GPC6: variants seen among roughly 807,000 people sequenced by gnomAD.
GPC6 encodes glypican 6.
A neutral mutation model predicts 55.2 loss-of-function variants in GPC6; 14 were observed. That is an observed-to-expected ratio of 0.25 (90% CI 0.17 to 0.40). GPC6 has a LOEUF of 0.40. Ranked by LOEUF, GPC6 falls within the 10% of genes least tolerant of loss-of-function variation. The pLI, the probability that GPC6 is intolerant of heterozygous loss-of-function variation, is 1.00. For missense variants in GPC6, 641 were observed against 708.5 expected, an observed-to-expected ratio of 0.90 and a Z score of 1.08; for synonymous variants, 278 against 259.6, an observed-to-expected ratio of 1.07 and a Z score of -0.68.
At chr13:94,203,297 T>C (rs926340562) in intron 4 of GPC6, among the ~76,000 whole-genome samples, 1 of 151,694 alleles carries the variant, frequency 6.6e-6, no homozygotes, top group Non-Finnish European at 1.5e-5. Flanking sequence ...CTAGATTATA[T>C]GTATCCTGTA....
intron 3 of GPC6, among the ~76,000 whole-genome samples, chr13:93,890,402 A>G (rs141988802): frequency 1.6e-3 from 243 of 152,190 alleles, no homozygotes; most frequent in Admixed American, 2.7e-3. Flanking sequence ...TATACCTTCA[A>G]TTACTTGTTT....
chr13:94,281,250 A>G (rs1012800308), intron 4 of GPC6, among the ~76,000 whole-genome samples: 4 of 152,166 alleles, frequency 2.6e-5, no homozygotes, highest in Non-Finnish European at 5.9e-5. Context: ...TTATGTAGGT[A>G]TACATGTGCC....
At chr13:93,684,838 C>T (rs1881990462) in intron 2 of GPC6, among the ~76,000 whole-genome samples, 1 of 151,864 alleles carries the variant, frequency 6.6e-6, no homozygotes. Flanking sequence ...ATCAGGGATG[C>T]CTAAAGTTAA....
At chr13:93,477,036 C>A (rs1643348473) in intron 1 of GPC6, among the ~76,000 whole-genome samples, 1 of 152,048 alleles carries the variant, frequency 6.6e-6, no homozygotes, top group African/African-American at 2.4e-5. Context: ...GCTATAAGAA[C>A]CGCATGTAGA....
chr13:94,110,062 T>TAAAAAAAA (rs78404632), intron 4 of GPC6, among the ~76,000 whole-genome samples: 15 of 84,594 alleles, frequency 1.8e-4, no homozygotes, highest in East Asian at 6.1e-4. Flanking sequence ...CACCCTGGAC[T>TAAAAAAAA]AAAAAAAAAA....
intron 3 of GPC6, among the ~76,000 whole-genome samples, chr13:93,959,464 A>G (rs1879667332): frequency 6.6e-6 from 1 of 152,114 alleles, no homozygotes; most frequent in Non-Finnish European, 1.5e-5. Flanking sequence ...TGCCCAGCCT[A>G]TTTGTATGAT....
chr13:93,990,510 G>A (rs1375870643), intron 3 of GPC6, among the ~76,000 whole-genome samples: 1 of 152,078 alleles, frequency 6.6e-6, no homozygotes, highest in East Asian at 1.9e-4. Context: ...GGTACTATTT[G>A]CATATCGTTC....
At chr13:94,345,019 G>T (rs1309153648) in intron 6 of GPC6, among the ~76,000 whole-genome samples, 1 of 152,066 alleles carries the variant, frequency 6.6e-6, no homozygotes, top group East Asian at 1.9e-4. Context: ...GTGGGACTGG[G>T]ATATGAAAAT....
intron 6 of GPC6, among the ~76,000 whole-genome samples, chr13:94,312,241 G>A (rs1211073059): frequency 2.0e-5 from 3 of 152,040 alleles, no homozygotes; most frequent in Non-Finnish European, 4.4e-5. Context: ...GAAATTCATC[G>A]GTAGGTCACT....
Position 93,227,698 on chromosome 13 carries a change from C to T in GPC6, c.160+82C>T. The T allele has an allele frequency of 1.8e-6, 2 of 1,129,032 alleles. No individual in the cohort carries two copies. Among genetic ancestry groups the T allele is most frequent in the East Asian group, 2.6e-5 (1 of 38,504 alleles). The allele number at this position is 1,129,032 out of a possible 1,614,324, so 69.9% of individuals were successfully genotyped here. A position where few individuals can be genotyped will look rare whatever the true frequency, so the allele number is the denominator to read the frequency against. Reference sequence around the variant, plus strand: ...CTGGCCGCCCGGCGTCCCCTTCCTTCCCCCTGTTGCTGAGTTGGTGCTCAC... The same window carrying T: ...CTGGCCGCCCGGCGTCCCCTTCCTTTCCCCTGTTGCTGAGTTGGTGCTCAC... On this transcript the variant is annotated intron_variant, in intron 1 of 8. Transcript: ENST00000377047. The surrounding 1 kb of genome is among the most constrained non-coding windows in gnomAD (Gnocchi z 4.3).
intron 3 of GPC6, among the ~76,000 whole-genome samples, chr13:93,898,344 A>G (rs1413334115): frequency 1.3e-5 from 2 of 152,178 alleles, no homozygotes; most frequent in Admixed American, 1.3e-4. Flanking sequence ...ATAAATAGAC[A>G]TAAGCAAATA....
intron 6 of GPC6, among the ~76,000 whole-genome samples, chr13:94,327,798 C>CT (rs1050922601): frequency 3.3e-5 from 5 of 152,154 alleles, no homozygotes; most frequent in African/African-American, 1.2e-4. Context: ...AAAATGGAAT[C>CT]TAAGTGCAAA....
chr13:93,714,987 A>G (rs1364478920), intron 2 of GPC6, among the ~76,000 whole-genome samples: 1 of 151,618 alleles, frequency 6.6e-6, no homozygotes, highest in Non-Finnish European at 1.5e-5. Flanking sequence ...AATACAGTAT[A>G]ATTAGCATAT....
chr13:94,130,390 A>T (rs1397748073), intron 4 of GPC6, among the ~76,000 whole-genome samples: 1 of 152,158 alleles, frequency 6.6e-6, no homozygotes, highest in African/African-American at 2.4e-5. Flanking sequence ...AAGGGAAATA[A>T]ATCATAATTC....
chr13:94,077,122 G>T (rs1884944659), intron 4 of GPC6, among the ~76,000 whole-genome samples: 1 of 151,636 alleles, frequency 6.6e-6, no homozygotes, highest in African/African-American at 2.4e-5. Flanking sequence ...ATGAACACGG[G>T]ATATTTTTCC....
rs1309100103 is a variant in GPC6, at chr13:94,404,181, T to C, written c.*964T>C. ...CAAAACAATAGTTTTTTTAATGAAT[T>C]GAAACACAATTAGATCCATTCCTGA... is the stretch of plus-strand genomic sequence containing the variant. On this transcript the variant is annotated 3_prime_UTR_variant, in exon 9 of 9. Coordinates refer to ENST00000377047, the MANE Select transcript of GPC6 (RefSeq NM_005708.5). The C allele has an allele frequency of 6.6e-6, 1 of 152,164 alleles. No individual in the cohort carries two copies. The highest frequency in any genetic ancestry group is 1.5e-5 in the Non-Finnish European group (1 of 68,040). 9.4% of individuals were successfully genotyped at this position (152,164 alleles called of 1,614,324 possible). A position where few individuals can be genotyped will look rare whatever the true frequency, so the allele number is the denominator to read the frequency against.
At chr13:93,279,945 C>A (rs1877891843) in intron 1 of GPC6, among the ~76,000 whole-genome samples, 3 of 152,144 alleles carry the variant, frequency 2.0e-5, no homozygotes, top group Admixed American at 2.0e-4. Flanking sequence ...AATAAACACA[C>A]CCAAACTGGT....
Position 94,303,354 on chromosome 13 carries a change from G to C in GPC6, c.1009-2626G>C, listed in dbSNP as rs117940111. On this transcript the variant is annotated intron_variant, in intron 5 of 8. Transcript: ENST00000377047. ...TTTAAGCTCTCTTTACTACCTGATC[G>C]GGTGTGAGCTAAGTTGCAAGCCTCG... Among the ~76,000 whole-genome samples the C allele has an allele frequency of 6.2e-4, 94 of 152,178 alleles. 1 individual carries two copies. Among genetic ancestry groups the C allele is most frequent in the African/African-American group, 2.1e-3 (88 of 41,510 alleles).
intron 1 of GPC6, among the ~76,000 whole-genome samples, chr13:93,457,420 C>A: frequency 6.6e-6 from 1 of 152,144 alleles, no homozygotes; most frequent in East Asian, 1.9e-4. Flanking sequence ...AGACAAAATT[C>A]AACCCTCAAC....
Sources: allele counts gnomAD v4.1 joint callset (sites outside exome capture counted in the v4.1 genomes callset), GRCh38; gene constraint gnomAD v4.1.1; non-coding constraint Gnocchi (gnomAD v3.1); transcripts MANE v1.5; gene names NCBI Gene and HGNC (gene_info 2026-07-23, HGNC 2026-07-21).